TMEM232: variants seen among roughly 807,000 people sequenced by gnomAD.
TMEM232 encodes the protein transmembrane protein 232.
In TMEM232, 80 loss-of-function variants were observed where a neutral mutation model predicts 78.8. The observed-to-expected ratio is 1.01, with a 90% CI of 0.85 to 1.22. The LOEUF (loss-of-function observed/expected upper bound fraction) is 1.22. TMEM232 is among the 50% of genes most tolerant of loss of function. TMEM232 has a pLI of 0.00. For missense variants in TMEM232, 881 were observed against 742.2 expected (o/e 1.19, Z -2.17); for synonymous variants, 297 against 254.3 (o/e 1.17, Z -1.60).
At chr5:110,630,920 T>G (rs1440631653) in intron 5 of TMEM232, among the ~76,000 whole-genome samples, 1 of 152,034 alleles carries the variant, frequency 6.6e-6, no homozygotes, top group South Asian at 2.1e-4. Flanking sequence ...ACGTGGACAG[T>G]GAGCTAGAGA....
In TMEM232 at chr5:110,666,011, T is replaced by C. The variant is rs149301937; in HGVS notation, c.125+1217A>G. 5.9e-3 allele frequency among the ~76,000 whole-genome samples: 891 copies of C among 151,956 alleles called. 8 individuals are homozygous for C. The highest frequency in any genetic ancestry group is 0.02 in the African/African-American group (843 of 41,470). On this transcript the variant is annotated intron_variant, in intron 2 of 13. Transcript: ENST00000455884. The stretch of plus-strand genomic sequence containing the variant: ...TTGAGCCCAGGATTATAGTAAGCTA[T>C]AGGTTATAGCAAGGTTATAATAAGC...
chr5:110,715,044 A>G (rs1200263238), intron 1 of TMEM232, among the ~76,000 whole-genome samples: 3 of 152,176 alleles, frequency 2.0e-5, no homozygotes, highest in Non-Finnish European at 4.4e-5. Context: ...CTGTCTCTTA[A>G]CAGGGTTCCT....
At chr5:110,723,400 T>C (rs1797840345) in intron 1 of TMEM232, among the ~76,000 whole-genome samples, 1 of 152,200 alleles carries the variant, frequency 6.6e-6, no homozygotes, top group African/African-American at 2.4e-5. Flanking sequence ...TTTGTATCAA[T>C]GTAATAGAGT....
intron 12 of TMEM232, among the ~76,000 whole-genome samples, chr5:110,432,868 A>G (rs773949761): frequency 2.6e-5 from 4 of 151,762 alleles, no homozygotes; most frequent in South Asian, 2.1e-4. Flanking sequence ...CTTTAAACCA[A>G]CAACAGTCAA....
intron 2 of TMEM232, among the ~76,000 whole-genome samples, chr5:110,653,638 G>A (rs1438021627): frequency 1.3e-5 from 2 of 152,180 alleles, no homozygotes; most frequent in African/African-American, 4.8e-5. Context: ...AATAGGGCAT[G>A]ATGAATAATG....
At chr5:110,703,880 G>C (rs1390325846) in intron 1 of TMEM232, among the ~76,000 whole-genome samples, 1 of 152,056 alleles carries the variant, frequency 6.6e-6, no homozygotes, top group African/African-American at 2.4e-5. Flanking sequence ...ATTAACTAAA[G>C]CTTTTCAAAT....
chr5:110,524,983 G>A (rs1191923711), intron 12 of TMEM232, among the ~76,000 whole-genome samples: 1 of 151,828 alleles, frequency 6.6e-6, no homozygotes, highest in Admixed American at 6.6e-5. Flanking sequence ...GTTAGCATTT[G>A]CAAGAAATGT....
At chr5:110,420,798 A>T in intron 13 of TMEM232, 42 bp from the exon 14 acceptor site, 1 of 1,484,826 alleles carries the variant, frequency 6.7e-7, no homozygotes, top group Non-Finnish European at 8.8e-7. Flanking sequence ...TTTTCCATGA[A>T]AAAATGCATA....
intron 7 of TMEM232, among the ~76,000 whole-genome samples, chr5:110,622,992 T>TAATTAATAAATAAATA (rs1783962860): frequency 6.7e-6 from 1 of 148,910 alleles, no homozygotes. Flanking sequence ...TAAAGTATAA[T>TAATTAATAAATAAATA]AATAAATAAA....
intron 12 of TMEM232, among the ~76,000 whole-genome samples, chr5:110,474,941 T>G (rs1326819462): frequency 6.6e-6 from 1 of 152,008 alleles, no homozygotes; most frequent in Non-Finnish European, 1.5e-5. Context: ...CAATATAGTA[T>G]TGAAACAATT....
Position 110,720,132 on chromosome 5 carries a change from T to C in TMEM232, c.-13+6495A>G, listed in dbSNP as rs1336090510. On this transcript the variant is annotated intron_variant, in intron 1 of 13. Coordinates refer to ENST00000455884, the MANE Select transcript of TMEM232 (RefSeq NM_001039763.4). ...TTGGGGAGGATTTCAGAGTTTTTTC[T>C]TACAGACTGCCTTTTCCCCTGGGCA... Among the ~76,000 whole-genome samples the C allele has an allele frequency of 2.6e-5, 4 of 152,228 alleles. No homozygotes were observed. In the East Asian group the frequency reaches 7.7e-4, roughly 29 times the overall value.
At chr5:110,588,481 T>C (rs1312146661) in intron 10 of TMEM232, among the ~76,000 whole-genome samples, 2 of 152,092 alleles carry the variant, frequency 1.3e-5, no homozygotes, top group African/African-American at 4.8e-5. Flanking sequence ...TTTCATGTAC[T>C]ACAAAAAATT....
At chr5:110,503,348 C>G (rs6892291) in intron 12 of TMEM232, among the ~76,000 whole-genome samples, 50,146 of 151,964 alleles carry the variant, frequency 0.33, 14,580 homozygotes, top group African/African-American at 0.78. Context: ...CTGAGTTAAT[C>G]CAAGAATGAA....
intron 7 of TMEM232, among the ~76,000 whole-genome samples, chr5:110,623,657 G>A (rs1784064000): frequency 6.6e-6 from 1 of 152,106 alleles, no homozygotes; most frequent in Non-Finnish European, 1.5e-5. Flanking sequence ...AAGATATGCA[G>A]TCCAGCACTG....
At chr5:110,423,286 T>C (rs564334475) in intron 13 of TMEM232, among the ~76,000 whole-genome samples, 4 of 152,150 alleles carry the variant, frequency 2.6e-5, no homozygotes, top group Admixed American at 6.5e-5. Flanking sequence ...ACTTAAAACA[T>C]TGAGCAAGTA....
chr5:110,438,799 C>T (rs549619921), intron 12 of TMEM232, among the ~76,000 whole-genome samples: 1 of 152,100 alleles, frequency 6.6e-6, no homozygotes, highest in African/African-American at 2.4e-5. Flanking sequence ...TCTAATTCTT[C>T]GGTAGTATTT....
At chr5:110,390,513 T>G (rs1182000692) in exon 4 of TMEM232, 2 of 152,242 alleles carry the variant, frequency 1.3e-5, no homozygotes, top group East Asian at 3.8e-4. Flanking sequence ...CTCTCTTGCA[T>G]TCTCTTTACA....
Position 110,398,540 on chromosome 5 carries a change from T to C in TMEM232, n.309-686A>G, listed in dbSNP as rs543186499. Among the ~76,000 whole-genome samples the C allele has an allele frequency of 9.2e-5, 14 of 152,234 alleles. No homozygotes were observed. In the South Asian group the frequency reaches 2.3e-3, roughly 25 times the overall value. On this transcript the variant is annotated intron_variant and non_coding_transcript_variant, in intron 2 of 8. Coordinates refer to the TMEM232 transcript ENST00000507188. ...TGGACAGATCTGCATAGGCCACCCC[T>C]TAACCCATCAGCCCTGATGCCACAT... is the stretch of plus-strand genomic sequence containing the variant.
In TMEM232 at chr5:110,420,445, AC is replaced by A. The variant is rs1561470027; in HGVS notation, c.*134del. On this transcript the variant is annotated 3_prime_UTR_variant, in exon 14 of 14. Coordinates refer to ENST00000455884, the MANE Select transcript of TMEM232 (RefSeq NM_001039763.4). The stretch of plus-strand genomic sequence containing the variant: ...TAAACAAACAGCTTGTATCAGGAAA[AC>A]AAATTCTTTCTAAACAATACCTCCA... The A allele has an allele frequency of 1.7e-6, 1 of 578,892 alleles. No homozygotes were observed. The highest frequency in any genetic ancestry group is 3.5e-5 in the East Asian group (1 of 28,838). The allele number at this position is 578,892 out of a possible 1,614,324, so 35.9% of individuals were successfully genotyped here.
Sources: gnomAD v4.1 joint callset for allele counts (sites outside exome capture counted in the v4.1 genomes callset) on GRCh38, gnomAD v4.1.1 for gene constraint, MANE v1.5 for transcripts, NCBI Gene and HGNC (gene_info 2026-07-23, HGNC 2026-07-21) for gene names.